CERS5: variants seen among roughly 807,000 people sequenced by gnomAD.
The protein encoded by CERS5 is LAG1 homolog, ceramide synthase 5.
In CERS5, 37 loss-of-function variants were observed where a neutral mutation model predicts 58.9. The observed-to-expected ratio is 0.63, with a 90% CI of 0.48 to 0.83. The LOEUF is 0.83. Among genes scored for constraint, CERS5 ranks in the 40% least tolerant of loss-of-function variants. The pLI, the probability that CERS5 is intolerant of heterozygous loss-of-function variation, is 0.00. For missense variants in CERS5, 398 were observed against 489.3 expected, an observed-to-expected ratio of 0.81 and a Z score of 1.76; for synonymous variants, 147 against 177.8, an observed-to-expected ratio of 0.83 and a Z score of 1.38.
At chr12:50,135,677 CA>C in intron 8 of CERS5, 54 bp downstream of exon 8, 1 of 1,279,114 alleles carries the variant, frequency 7.8e-7, no homozygotes, top group Non-Finnish European at 1.1e-6. Context: ...TGAGAATTGG[CA>C]AAAAGGTATC....
intron 4 of CERS5, 82 bp from the exon 5 acceptor site, chr12:50,138,699 C>A (rs1389095459): frequency 1.7e-5 from 21 of 1,265,340 alleles, no homozygotes; most frequent in Non-Finnish European, 2.3e-5. Flanking sequence ...CCCCTTCTCT[C>A]TAGGCTGGGG....
intron 2 of CERS5, chr12:50,143,427 A>G (rs1952087896): frequency 4.6e-6 from 2 of 439,252 alleles, no homozygotes; most frequent in African/African-American, 2.0e-5. Flanking sequence ...CTCCAGCCCA[A>G]GCTGAGTAAA....
chr12:50,130,790 G>A, intron 9 of CERS5, 96 bp from the exon 10 acceptor site: 9 of 1,170,262 alleles, frequency 7.7e-6, no homozygotes, highest in Non-Finnish European at 9.5e-6. Flanking sequence ...TCCCAGTCTG[G>A]TCTGCTTTCT....
At chr12:50,131,583 A>G (rs866844098) in intron 9 of CERS5, among the ~76,000 whole-genome samples, 1 of 151,194 alleles carries the variant, frequency 6.6e-6, no homozygotes, top group African/African-American at 2.4e-5. Flanking sequence ...AAAAAGAAAA[A>G]AAAAAAGAAA....
intron 1 of CERS5, among the ~76,000 whole-genome samples, chr12:50,150,705 A>G (rs1937869510): frequency 6.6e-6 from 1 of 152,192 alleles, no homozygotes; most frequent in Non-Finnish European, 1.5e-5. Flanking sequence ...GTTGTATCAA[A>G]TAAGGGAAAG....
intron 1 of CERS5, chr12:50,165,161 T>G (rs971227100): frequency 6.6e-6 from 1 of 152,260 alleles, no homozygotes; most frequent in Non-Finnish European, 1.5e-5. Context: ...GGTTCACGCT[T>G]GTAATCCCAG....
chr12:50,151,751 C>T (rs950314996), intron 1 of CERS5, among the ~76,000 whole-genome samples: 12 of 152,246 alleles, frequency 7.9e-5, no homozygotes, highest in African/African-American at 2.4e-4. Flanking sequence ...CTCCCAGGTT[C>T]GATTCTGCCT....
At chr12:50,132,858 T>C in intron 9 of CERS5, 1 of 1,229,526 alleles carries the variant, frequency 8.1e-7, no homozygotes, top group Non-Finnish European at 1.0e-6. Flanking sequence ...AGAGAGGGCA[T>C]GCTCTGAGAC....
chr12:50,131,558 C>CAAAAAAAAAA (rs752634104), intron 9 of CERS5, among the ~76,000 whole-genome samples: 1 of 69,832 alleles, frequency 1.4e-5, no homozygotes, highest in African/African-American at 5.3e-5. Flanking sequence ...GACTCCATCT[C>CAAAAAAAAAA]AAAAAAAAAA....
rs968114727 is a variant in CERS5, at chr12:50,167,109, G to A, written c.189C>T (p.Leu63=). ...LAAGIFFVRL[L]FERFIAKPCA... ...CGCTCCCGGGCTCTCACCGCTCGAA[G>A]AGCAGCCTCACGAAGAAGATGCCCG... The change falls in exon 1 of 10, where the codon CTC becomes CTT. Residue 63 remains leucine, a synonymous_variant. Coordinates refer to ENST00000317551, the MANE Select transcript of CERS5 (RefSeq NM_147190.5). The A allele has an allele frequency of 6.7e-5, 104 of 1,543,094 alleles. 1 individual carries two copies. Among genetic ancestry groups the A allele is most frequent in the Non-Finnish European group, 8.1e-5 (93 of 1,149,446 alleles).
chr12:50,155,251 G>GT (rs745841592), intron 1 of CERS5, among the ~76,000 whole-genome samples: 1 of 152,096 alleles, frequency 6.6e-6, no homozygotes, highest in Admixed American at 6.6e-5. Context: ...GGAGTCCTCA[G>GT]TAATTTTTAA....
intron 1 of CERS5, among the ~76,000 whole-genome samples, chr12:50,152,825 T>G (rs1938114339): frequency 6.6e-6 from 1 of 151,950 alleles, no homozygotes; most frequent in Non-Finnish European, 1.5e-5. Flanking sequence ...ATCCCAGCAC[T>G]TTGGGAGGCG....
At chr12:50,130,726 G>T in intron 9 of CERS5, 32 bp from the exon 10 acceptor site, 1 of 1,547,254 alleles carries the variant, frequency 6.5e-7, no homozygotes, top group East Asian at 2.3e-5. Flanking sequence ...ACAGAAAAGT[G>T]AGGAAAGAAC....
At chr12:50,160,408 A>G (rs1480468390) in intron 1 of CERS5, among the ~76,000 whole-genome samples, 3 of 152,156 alleles carry the variant, frequency 2.0e-5, no homozygotes, top group African/African-American at 7.2e-5. Context: ...ATGACAGGCC[A>G]GCGAATGAGT....
At chr12:50,144,858 G>T in intron 1 of CERS5, 1 of 1,339,040 alleles carries the variant, frequency 7.5e-7, no homozygotes, top group Non-Finnish European at 1.0e-6. Context: ...TAAAAAAGCC[G>T]GGCGTGGTGG....
Position 50,130,534 on chromosome 12 carries a change from T to C in CERS5, c.*11A>G, listed in dbSNP as rs771325397. 2 of 1,586,032 alleles carry C rather than the reference T, an allele frequency of 1.3e-6. No homozygotes were observed. The highest frequency in any genetic ancestry group is 1.7e-6 in the Non-Finnish European group (2 of 1,158,846). On this transcript the variant is annotated 3_prime_UTR_variant, in exon 10 of 10. Coordinates refer to ENST00000317551, the MANE Select transcript of CERS5 (RefSeq NM_147190.5). ...AAGTCCATGTGTGCTGAAGTCCCTA[T>C]AGCAACCACCTTACTCTTCAGCCCA...
chr12:50,157,239 G>A (rs1341723375), intron 1 of CERS5, among the ~76,000 whole-genome samples: 2 of 151,830 alleles, frequency 1.3e-5, no homozygotes, highest in African/African-American at 2.4e-5. Context: ...CCTATTGTGG[G>A]ACCTTGTGAT....
At chr12:50,156,419 A>ACT in intron 1 of CERS5, among the ~76,000 whole-genome samples, 1 of 41,476 alleles carries the variant, frequency 2.4e-5, no homozygotes, top group African/African-American at 9.1e-5. Flanking sequence ...AAACAAACAA[A>ACT]CTATATATAT....
rs533105137 is a variant in CERS5 at position 50,142,074 on chromosome 12, A to G, written c.471T>C (p.Tyr157=). 1.7e-5 allele frequency: 28 copies of G among 1,606,082 alleles called. No homozygotes were observed. Among genetic ancestry groups the G allele is most frequent in the Non-Finnish European group, 2.0e-5 (24 of 1,173,046 alleles). The change falls in exon 4 of 10, where the codon TAT becomes TAC. Residue 157 remains tyrosine, a synonymous_variant. Coordinates refer to ENST00000317551, the MANE Select transcript of CERS5 (RefSeq NM_147190.5). ...TCACCGACCAGAGAAATCTAATTCC[A>G]TAGCAGAATATACATAAATAAAATG... is the stretch of plus-strand genomic sequence containing the variant. ...RFTFYLCIFC[Y]GIRFLWSSPW...
Sources: gnomAD v4.1 joint callset for allele counts (sites outside exome capture counted in the v4.1 genomes callset) on GRCh38, gnomAD v4.1.1 for gene constraint, MANE v1.5 for transcripts, NCBI Gene and HGNC (gene_info 2026-07-23, HGNC 2026-07-21) for gene names.